The following B4GALT5 variants were observed in gnomAD, a reference collection of about 807,000 sequenced individuals.
B4GALT5 encodes the protein UDP-Gal:beta-GlcNAc beta-1,4-galactosyltransferase 5.
B4GALT5 carries 11 observed loss-of-function variants against 45.0 expected under a neutral mutation model. That is an observed-to-expected ratio of 0.24 (90% CI 0.15 to 0.40). The LOEUF is 0.40. Ranked by LOEUF, B4GALT5 falls within the 10% of genes least tolerant of loss-of-function variation. The pLI is 1.00. For synonymous variants in B4GALT5, 185 were observed against 182.9 expected (o/e 1.01, Z -0.09); for missense variants, 337 against 500.2 (o/e 0.67, Z 3.11).
chr20:49,648,204 C>T (rs940161600), intron 2 of B4GALT5, among the ~76,000 whole-genome samples: 2 of 152,156 alleles, frequency 1.3e-5, no homozygotes, highest in Non-Finnish European at 2.9e-5. Context: ...GAGAAATCCA[C>T]TCGAATCTCC....
intron 1 of B4GALT5, among the ~76,000 whole-genome samples, chr20:49,670,733 T>C (rs544428817): frequency 6.6e-6 from 1 of 152,302 alleles, no homozygotes; most frequent in South Asian, 2.1e-4. Context: ...ATACCTGTTC[T>C]ACCAAAGCCT....
intron 1 of B4GALT5, among the ~76,000 whole-genome samples, chr20:49,673,423 A>G (rs2085724318): frequency 6.6e-6 from 1 of 152,120 alleles, no homozygotes; most frequent in East Asian, 1.9e-4. Context: ...TCAAAGTGAC[A>G]CTAGGCAATT....
Position 49,639,770 on chromosome 20 carries a change from C to T in B4GALT5, c.825G>A (p.Val275=). ...LLPYTEFFGG[V]SGLTVEQFRK... is the part of the protein sequence containing the mutation. ...GAAATTGTTCCACTGTTAAGCCACT[C>T]ACTCCGCCAAAGAACTCGGTATAAG... Residue 275 remains valine (V), a synonymous_variant, in exon 7 of 9, where the codon GTG becomes GTA. Coordinates refer to ENST00000371711, the MANE Select transcript of B4GALT5 (RefSeq NM_004776.4). 6.2e-7 allele frequency: 1 copy of T among 1,613,482 alleles called. No individual in the cohort carries two copies. Among genetic ancestry groups the T allele is most frequent in the Non-Finnish European group, 8.5e-7 (1 of 1,179,548 alleles).
intron 2 of B4GALT5, among the ~76,000 whole-genome samples, chr20:49,652,896 C>T (rs927520055): frequency 2.0e-5 from 3 of 152,182 alleles, no homozygotes; most frequent in Non-Finnish European, 2.9e-5. Flanking sequence ...ATTAAGCCAA[C>T]AGTGCTCCAG....
chr20:49,703,099 G>A (rs971431695), intron 1 of B4GALT5, among the ~76,000 whole-genome samples: 4 of 150,656 alleles, frequency 2.7e-5, no homozygotes, highest in South Asian at 2.1e-4. Context: ...GCACGAACCC[G>A]GGAGGCGGAG....
At chr20:49,641,847 A>T (rs2085578147) in intron 5 of B4GALT5, among the ~76,000 whole-genome samples, 1 of 152,198 alleles carries the variant, frequency 6.6e-6, no homozygotes, top group Non-Finnish European at 1.5e-5. Flanking sequence ...CAAGTCAGTA[A>T]TGTAAACATA....
intron 1 of B4GALT5, 50 bp from the exon 2 acceptor site, chr20:49,656,752 TA>T: frequency 6.2e-7 from 1 of 1,611,056 alleles, no homozygotes; most frequent in Non-Finnish European, 8.5e-7. Context: ...AGCAATCATT[TA>T]AAAAAACATA....
chr20:49,640,487 T>C lies in B4GALT5; in HGVS notation c.785A>G (p.Tyr262Cys). 1 of 1,607,384 alleles carries C rather than the reference T, an allele frequency of 6.2e-7. No homozygotes were observed. Among genetic ancestry groups the C allele is most frequent in the Non-Finnish European group, 8.5e-7 (1 of 1,177,810 alleles). ...PRHFATKLDK[Y>C]MYLLPYTEFF... is the part of the protein sequence containing the mutation. ...AAGAAATGATACTCACAGATACATA[T>C]ACTTATCCAATTTGGTTGCAAAATG... The change falls in exon 6 of 9, where the codon TAT becomes TGT. Residue 262 changes from tyrosine (Y) to cysteine (C), a missense_variant. Around this residue, in one of 2 missense-constraint regions of B4GALT5, gnomAD observed 163 missense variants for 292.8 expected, o/e 0.56. Transcript: ENST00000371711.
rs376499166 is a variant in B4GALT5 at position 49,647,048 on chromosome 20, G to A, written c.281C>T (p.Thr94Ile). Residue 94 changes from threonine to isoleucine, a missense_variant, in exon 3 of 9, where the codon ACC becomes ATC. Thr to Ile is a moderately conservative substitution (Grantham distance 89). Coordinates refer to ENST00000371711, the MANE Select transcript of B4GALT5 (RefSeq NM_004776.4). ...DYPLDLNHSE[T>I]FLQTTTFLPE... ...AAGAAATGTTGTAGTTTGCAGGAAG[G>A]TTTCACTGTGGTTCAAGTCAAGAGG... 2.5e-5 allele frequency: 40 copies of A among 1,613,752 alleles called. No homozygotes were observed. The Middle Eastern group carries it at 9.9e-4, about 40-fold the overall frequency.
chr20:49,643,922 C>CTTTTTTTTTTTTTTTTT (rs138727530), intron 3 of B4GALT5, among the ~76,000 whole-genome samples: 7 of 52,184 alleles, frequency 1.3e-4, no homozygotes, highest in African/African-American at 5.9e-4. Context: ...AGTAGCTGAG[C>CTTTTTTTTTTTTTTTTT]TTTTTTTTTT....
At position 49,706,185 on chromosome 20, in the gene B4GALT5, G is replaced by A. The variant is rs1197372112; in HGVS notation, c.115+7391C>T. Among the ~76,000 whole-genome samples the A allele has an allele frequency of 7.1e-5, 9 of 126,730 alleles. No homozygotes were observed. In the East Asian group the frequency reaches 1.8e-3, roughly 25 times the overall value. 83.1% of individuals were successfully genotyped at this position (126,730 alleles called of 152,430 possible). On this transcript the variant is annotated intron_variant, in intron 1 of 8. Coordinates refer to ENST00000371711, the MANE Select transcript of B4GALT5 (RefSeq NM_004776.4). ...ACTCCAGTCTGGGCAACAAGAGAGC[G>A]AAACTCCATCTCAAAAAAAAAAAAA... is the stretch of plus-strand genomic sequence containing the variant.
chr20:49,680,194 C>T (rs889286161), intron 1 of B4GALT5, among the ~76,000 whole-genome samples: 12 of 152,072 alleles, frequency 7.9e-5, no homozygotes, highest in Admixed American at 7.9e-4. Flanking sequence ...ACTAGTAGCA[C>T]AAATAAGAGG....
chr20:49,651,561 C>T (rs980590201), intron 2 of B4GALT5, among the ~76,000 whole-genome samples: 5 of 151,966 alleles, frequency 3.3e-5, no homozygotes, highest in African/African-American at 1.2e-4. Flanking sequence ...TGCACTCCGG[C>T]CTGGGCAACA....
At chr20:49,638,121 T>C (rs1453300929) in intron 7 of B4GALT5, among the ~76,000 whole-genome samples, 3 of 151,956 alleles carry the variant, frequency 2.0e-5, no homozygotes, top group African/African-American at 7.3e-5. Context: ...CAGGCTCAAT[T>C]AGTCCTCCCA....
At chr20:49,656,476 C>A (rs76242839) in intron 2 of B4GALT5, 92 bp downstream of exon 2, 2 of 1,505,528 alleles carry the variant, frequency 1.3e-6, no homozygotes, top group East Asian at 2.3e-5. Flanking sequence ...TTTTACAATG[C>A]GCTTTTCCCA....
intron 1 of B4GALT5, among the ~76,000 whole-genome samples, chr20:49,710,460 C>T (rs969865581): frequency 8.9e-5 from 13 of 145,446 alleles, no homozygotes; most frequent in Admixed American, 8.5e-4. Context: ...CACTCTATCA[C>T]CCAGGCTGGA....
intron 1 of B4GALT5, among the ~76,000 whole-genome samples, chr20:49,711,418 A>C (rs2085911191): frequency 6.6e-6 from 1 of 152,218 alleles, no homozygotes. Flanking sequence ...CAAAAGGGTG[A>C]TTACCATCCC....
At chr20:49,659,110 T>G (rs2085654861) in intron 1 of B4GALT5, among the ~76,000 whole-genome samples, 1 of 152,194 alleles carries the variant, frequency 6.6e-6, no homozygotes, top group Non-Finnish European at 1.5e-5. Context: ...CCACAACCTC[T>G]CTCTGAAAGA....
Position 49,642,460 on chromosome 20 carries a change from C to G in B4GALT5, c.606+8G>C, listed in dbSNP as rs757723843. 6.3e-7 allele frequency: 1 copy of G among 1,588,924 alleles called. No homozygotes were observed. The highest frequency in any genetic ancestry group is 1.7e-5 in the Admixed American group (1 of 59,056). ...AGAAAAAAGAAAGGAAAAGAAAGGA[C>G]TACTCACTTGTTCAACCACATAAAA... On this transcript the variant is annotated splice_region_variant and intron_variant, in intron 5 of 8. Coordinates refer to ENST00000371711, the MANE Select transcript of B4GALT5 (RefSeq NM_004776.4).
Sources: allele counts gnomAD v4.1 joint callset (sites outside exome capture counted in the v4.1 genomes callset), GRCh38; gene constraint gnomAD v4.1.1; regional missense constraint gnomAD v4.1.1; transcripts MANE v1.5; gene names NCBI Gene and HGNC (gene_info 2026-07-23, HGNC 2026-07-21).